The following ZSWIM7 variants were observed in gnomAD, a reference collection of about 807,000 sequenced individuals.
ZSWIM7 encodes zinc finger SWIM-type containing 7.
In ZSWIM7, 22 loss-of-function variants were observed where a neutral mutation model predicts 21.1. The observed-to-expected ratio is 1.04, with a 90% CI of 0.74 to 1.49. The LOEUF (loss-of-function observed/expected upper bound fraction) is 1.49. ZSWIM7 is among the 40% of genes most tolerant of loss of function. The pLI is 0.00. For synonymous variants in ZSWIM7, 67 were observed against 66.5 expected (o/e 1.01, Z -0.04); for missense variants, 193 against 168.0 (o/e 1.15, Z -0.82).
intron 3 of ZSWIM7, among the ~76,000 whole-genome samples, chr17:15,982,203 T>C (rs945502538): frequency 2.6e-5 from 4 of 152,142 alleles, no homozygotes; most frequent in African/African-American, 9.7e-5. Flanking sequence ...GACACATCTG[T>C]AGTATGATCG....
Position 15,981,034 on chromosome 17 carries a change from C to T in ZSWIM7, c.306+6G>A. 6.2e-7 allele frequency: 1 copy of T among 1,610,784 alleles called. No individual in the cohort carries two copies. Among genetic ancestry groups the T allele is most frequent in the Non-Finnish European group, 8.5e-7 (1 of 1,177,470 alleles). On this transcript the variant is annotated splice_donor_region_variant and intron_variant, in intron 4 of 4. Transcript: ENST00000399277. ...CTACAGTGGGAAGAGTCTTCCCCAT[C>T]CTCACCAGGATGCTGTCACTCTTCC...
At chr17:15,995,666 A>G (rs1215780331) in intron 1 of ZSWIM7, among the ~76,000 whole-genome samples, 6 of 151,998 alleles carry the variant, frequency 3.9e-5, no homozygotes, top group African/African-American at 1.4e-4. Flanking sequence ...TAGAGAAAAT[A>G]TAAAAGCAAC....
intron 2 of ZSWIM7, 41 bp from the exon 3 acceptor site, chr17:15,987,409 C>T: frequency 6.5e-7 from 1 of 1,532,654 alleles, no homozygotes; most frequent in Non-Finnish European, 9.0e-7. Context: ...GCCTGATTCT[C>T]AAAGTCACCT....
At chr17:15,988,660 GA>G (rs891287260) in intron 2 of ZSWIM7, among the ~76,000 whole-genome samples, 28 of 132,188 alleles carry the variant, frequency 2.1e-4, no homozygotes, top group Non-Finnish European at 2.9e-4. Context: ...AAAGAAAAAA[GA>G]AAAAAAAAAA....
intron 2 of ZSWIM7, among the ~76,000 whole-genome samples, chr17:15,988,082 A>T (rs1028468266): frequency 5.9e-5 from 9 of 152,338 alleles, no homozygotes; most frequent in African/African-American, 2.2e-4. Context: ...TATAGAACAT[A>T]TGTATGCACA....
chr17:15,984,475 A>G (rs8070859), intron 3 of ZSWIM7, among the ~76,000 whole-genome samples: 95,602 of 152,104 alleles, frequency 0.63, 31,271 homozygotes, highest in African/African-American at 0.81. Flanking sequence ...TGGCTGACAG[A>G]ACTTGTAGGA....
At chr17:15,982,406 G>T (rs1452746551) in intron 3 of ZSWIM7, among the ~76,000 whole-genome samples, 1 of 152,154 alleles carries the variant, frequency 6.6e-6, no homozygotes, top group African/African-American at 2.4e-5. Flanking sequence ...TTGCCACACA[G>T]CCTTCAAAGC....
At chr17:15,983,724 T>G (rs554997371) in intron 3 of ZSWIM7, among the ~76,000 whole-genome samples, 1 of 152,206 alleles carries the variant, frequency 6.6e-6, no homozygotes, top group South Asian at 2.1e-4. Context: ...TTAGCTGGGA[T>G]TACAGGCATG....
chr17:15,995,860 G>A (rs1280156844), intron 1 of ZSWIM7, among the ~76,000 whole-genome samples: 1 of 147,490 alleles, frequency 6.8e-6, no homozygotes, highest in African/African-American at 2.6e-5. Context: ...CCCACACTGT[G>A]AAGTGAAAAA....
At chr17:15,993,855 G>GT in intron 1 of ZSWIM7, 77 bp from the exon 2 acceptor site, 2 of 1,162,928 alleles carry the variant, frequency 1.7e-6, no homozygotes, top group Non-Finnish European at 2.5e-6. Context: ...AAAAAACACT[G>GT]TAACTAAAAA....
intron 1 of ZSWIM7, among the ~76,000 whole-genome samples, chr17:15,994,567 G>A (rs1171654995): frequency 6.6e-6 from 1 of 152,160 alleles, no homozygotes; most frequent in Non-Finnish European, 1.5e-5. Context: ...CACAGCTTTA[G>A]GTGACTGCCT....
At chr17:15,979,160 G>A (rs1970314810) in intron 4 of ZSWIM7, among the ~76,000 whole-genome samples, 1 of 151,236 alleles carries the variant, frequency 6.6e-6, no homozygotes, top group Non-Finnish European at 1.5e-5. Context: ...TGTGTCCCTG[G>A]GTACTTGAGA....
chr17:15,978,190 T>C (rs1223025175), intron 4 of ZSWIM7, 27 bp from the exon 5 acceptor site: 3 of 1,571,154 alleles, frequency 1.9e-6, no homozygotes, highest in Non-Finnish European at 2.6e-6. Context: ...ACACACCTAT[T>C]AGAAACAGGC....
chr17:15,988,781 G>A (rs774347909), intron 2 of ZSWIM7, among the ~76,000 whole-genome samples: 3 of 152,212 alleles, frequency 2.0e-5, no homozygotes, highest in Non-Finnish European at 4.4e-5. Flanking sequence ...CACTTTGGGA[G>A]GCCGAGGCAG....
Position 15,978,144 on chromosome 17 carries a change from A to G in ZSWIM7, c.326T>C (p.Val109Ala). 2 of 1,614,146 alleles carry G rather than the reference A, an allele frequency of 1.2e-6. No individual in the cohort carries two copies. The highest frequency in any genetic ancestry group is 1.7e-6 in the Non-Finnish European group (2 of 1,179,964). The stretch of plus-strand genomic sequence containing the variant: ...GGTCCTCATAACCTGACTCAGGTAA[A>G]CTGCCAAGAGATGCTTGCACTGGAA... ...DSILCKHLLA[V>A]YLSQVMRTCQ... Residue 109 changes from valine to alanine, a missense_variant, in exon 5 of 5, where the codon GTT becomes GCT. Physicochemically the swap from Val to Ala is moderately conservative, Grantham distance 64. Coordinates refer to ENST00000399277, the MANE Select transcript of ZSWIM7 (RefSeq NM_001042697.2).
chr17:15,998,724 T>C (rs1970603355), intron 1 of ZSWIM7, among the ~76,000 whole-genome samples: 1 of 151,848 alleles, frequency 6.6e-6, no homozygotes, highest in African/African-American at 2.4e-5. Flanking sequence ...AACGATTGCA[T>C]ATGCATTTAG....
chr17:15,999,448 T>C (rs2151638199), intron 1 of ZSWIM7, 71 bp downstream of exon 1: 2 of 1,564,804 alleles, frequency 1.3e-6, no homozygotes, highest in East Asian at 4.6e-5. Flanking sequence ...GCCTCCTGCC[T>C]CCCGGCCCGG....
At position 15,978,950 on chromosome 17, in the gene ZSWIM7, T is replaced by C. The variant is rs1017826406; in HGVS notation, c.307-787A>G. Among the ~76,000 whole-genome samples, 189 of 151,054 alleles carry C rather than the reference T, an allele frequency of 1.3e-3. 2 individuals are homozygous for C. The Middle Eastern group carries it at 0.024, about 19-fold the overall frequency. ...CAGAGTCTCTAGGCTACTCTCTCTTTTTTTTTTTTTTAATTTTAATTTTAA... is the reference window on the plus strand; with the variant it reads ...CAGAGTCTCTAGGCTACTCTCTCTTCTTTTTTTTTTTAATTTTAATTTTAA... On this transcript the variant is annotated intron_variant, in intron 4 of 4. Coordinates refer to ENST00000399277, the MANE Select transcript of ZSWIM7 (RefSeq NM_001042697.2).
At chr17:15,981,217 G>T in intron 3 of ZSWIM7, 73 bp from the exon 4 acceptor site, 1 of 1,122,328 alleles carries the variant, frequency 8.9e-7, no homozygotes, top group Non-Finnish European at 1.3e-6. Flanking sequence ...TTTTATTTAT[G>T]TAGACTCAGA....
Sources: gnomAD v4.1 joint callset for allele counts (sites outside exome capture counted in the v4.1 genomes callset) on GRCh38, gnomAD v4.1.1 for gene constraint, MANE v1.5 for transcripts, NCBI Gene and HGNC (gene_info 2026-07-23, HGNC 2026-07-21) for gene names.